Variants in DOC2A observed in about 807,000 individuals in gnomAD.
The protein encoded by DOC2A is double C2 domain alpha, also known as double C2-like domain-containing protein alpha.
In DOC2A, 28 loss-of-function variants were observed where a neutral mutation model predicts 40.6. The ratio of observed to expected loss-of-function variants is 0.69; its 90% CI spans 0.51 to 0.95. DOC2A has a LOEUF of 0.95. Ranked by LOEUF, DOC2A falls within the 40% of genes least tolerant of loss-of-function variation. DOC2A has a pLI of 0.00. For missense variants in DOC2A, 474 were observed against 552.5 expected, an observed-to-expected ratio of 0.86 and a Z score of 1.42; for synonymous variants, 241 against 236.9, an observed-to-expected ratio of 1.02 and a Z score of -0.16.
Position 30,009,233 on chromosome 16 carries a change from A to ACGTAGGGGT in DOC2A, c.377_385dup (p.Asp126_Tyr128dup). ...GGCTCCAGGCAGCAAGTGCAGCTTG[A>ACGTAGGGGT]CGTAGGGGTCGGCGAGGCCATTGAA... is the stretch of plus-strand genomic sequence containing the variant. On this transcript the variant is annotated inframe_insertion, in exon 4 of 11. Coordinates refer to ENST00000350119, the MANE Select transcript of DOC2A (RefSeq NM_003586.3). This position sits in a 1 kb window ranked among gnomAD's most constrained non-coding sequence, Gnocchi z 4.1. 2.5e-6 allele frequency: 4 copies of ACGTAGGGGT among 1,579,634 alleles called. No homozygotes were observed. The highest frequency in any genetic ancestry group is 2.6e-6 in the Non-Finnish European group (3 of 1,161,600).
At chr16:30,013,599 G>A (rs1364640902), upstream of DOC2A, 1 of 26,414 alleles carries the variant, frequency 3.8e-5, no homozygotes, top group Non-Finnish European at 6.4e-5. Context: ...GTGAGACCCT[G>A]TCTCAAAAAA....
chr16:30,010,382 A>C lies in DOC2A; in HGVS notation c.-13-147T>G, dbSNP rs2070747064. 1 of 1,132,714 alleles carries C rather than the reference A, an allele frequency of 8.8e-7. No individual in the cohort carries two copies. The highest frequency in any genetic ancestry group is 1.5e-5 in the African/African-American group (1 of 65,324). 70.2% of individuals were successfully genotyped at this position (1,132,714 alleles called of 1,614,324 possible). The stretch of plus-strand genomic sequence containing the variant: ...AGGGTGGTGTGTGCCAGCCGGTGGC[A>C]GGTGGGAGGCCTGGGCCCTGCAGAC... On this transcript the variant is annotated intron_variant, in intron 1 of 10. Transcript: ENST00000350119. The surrounding 1 kb of genome is among the most constrained non-coding windows in gnomAD (Gnocchi z 4.2).
Position 30,009,268 on chromosome 16 carries a change from C to T in DOC2A, c.351G>A (p.Lys117=), listed in dbSNP as rs763358306. The T allele has an allele frequency of 1.0e-5, 16 of 1,558,878 alleles. No individual in the cohort carries two copies. The Admixed American group carries it at 2.3e-4, about 23-fold the overall frequency. Residue 117 remains lysine (K), a synonymous_variant, in exon 4 of 11, where the codon AAG becomes AAA. Transcript: ENST00000350119. This position sits in a 1 kb window ranked among gnomAD's most constrained non-coding sequence, Gnocchi z 4.1. ...HCSILRAKGL[K]PMDFNGLADP... ...CGGCGAGGCCATTGAAATCCATGGGCTTGAGGCCCTGGAGAGGAGGGCAGG... is the reference window on the plus strand; with the variant it reads ...CGGCGAGGCCATTGAAATCCATGGGTTTGAGGCCCTGGAGAGGAGGGCAGG...
chr16:30,011,368 G>C, upstream of DOC2A: 1 of 985,080 alleles, frequency 1.0e-6, no homozygotes. Context: ...GCAAACACGC[G>C]GGCTCCCTGC....
Position 30,009,518 on chromosome 16 carries a change from C to G in DOC2A, c.302G>C (p.Arg101Pro). The change falls in exon 3 of 11, where the codon CGG (arginine) becomes CCG (proline). Residue 101 changes from arginine (R) to proline (P), a missense_variant. Coordinates refer to ENST00000350119, the MANE Select transcript of DOC2A (RefSeq NM_003586.3). The surrounding 1 kb of genome is among the most constrained non-coding windows in gnomAD (Gnocchi z 4.1). ...GCTACAGTGCAGAGTGCAGGAGGCC[C>G]GGTCGTAGAGAAGGTCAAACTCCAG... is the stretch of plus-strand genomic sequence containing the variant. ...GTLEFDLLYDRASCTLHCSIL... is the reference protein window; with the variant it reads ...GTLEFDLLYDPASCTLHCSIL... 6.4e-7 allele frequency: 1 copy of G among 1,551,492 alleles called. No homozygotes were observed. Among genetic ancestry groups the G allele is most frequent in the Non-Finnish European group, 8.7e-7 (1 of 1,146,978 alleles).
chr16:30,005,550 C>G lies in DOC2A; in HGVS notation c.*636G>C. Reference sequence around the variant, plus strand: ...TGTTTATTGATGCCCAGCTGCCATGCTCCGGCCACTGACACAACCAGAAAA... The same window carrying G: ...TGTTTATTGATGCCCAGCTGCCATGGTCCGGCCACTGACACAACCAGAAAA... On this transcript the variant is annotated 3_prime_UTR_variant, in exon 11 of 11. Transcript: ENST00000350119. 1 of 1,060,170 alleles carries G rather than the reference C, an allele frequency of 9.4e-7. No homozygotes were observed. Among genetic ancestry groups the G allele is most frequent in the Non-Finnish European group, 1.4e-6 (1 of 718,712 alleles). The allele number at this position is 1,060,170 out of a possible 1,614,324, so 65.7% of individuals were successfully genotyped here.
intron 1 of DOC2A, among the ~76,000 whole-genome samples, chr16:30,019,695 C>T (rs1171709290): frequency 5.9e-5 from 9 of 152,176 alleles, no homozygotes; most frequent in Admixed American, 5.9e-4. Context: ...GGAGCAGTTG[C>T]CTGTGGGCCT....
At chr16:30,008,121 C>T (rs1460228419) in intron 5 of DOC2A, 1 of 153,094 alleles carries the variant, frequency 6.5e-6, no homozygotes, top group Non-Finnish European at 1.5e-5. Context: ...AATCCAAGCA[C>T]AAAGGCAGAG....
At position 30,005,596 on chromosome 16, in the gene DOC2A, TC is replaced by T. The variant is rs2070550464; in HGVS notation, c.*589del. 2 of 749,482 alleles carry T rather than the reference TC, an allele frequency of 2.7e-6. No individual in the cohort carries two copies. Among genetic ancestry groups the T allele is most frequent in the East Asian group, 3.0e-5 (1 of 33,190 alleles). The allele number at this position is 749,482 out of a possible 1,614,324, so 46.4% of individuals were successfully genotyped here. On this transcript the variant is annotated 3_prime_UTR_variant, in exon 11 of 11. Coordinates refer to ENST00000350119, the MANE Select transcript of DOC2A (RefSeq NM_003586.3). Reference sequence around the variant, plus strand: ...GAAAAGGCGTAAACATGCACGGGTGTCCCCCAGGAGGGTGGCAGGGGCCCTG... The same window carrying T: ...GAAAAGGCGTAAACATGCACGGGTGTCCCCAGGAGGGTGGCAGGGGCCCTG...
chr16:30,005,773 T>C lies in DOC2A; in HGVS notation c.*413A>G. The C allele has an allele frequency of 2.1e-6, 1 of 471,874 alleles. No individual in the cohort carries two copies. Among genetic ancestry groups the C allele is most frequent in the Non-Finnish European group, 3.8e-6 (1 of 265,674 alleles). The allele number at this position is 471,874 out of a possible 1,614,324, so 29.2% of individuals were successfully genotyped here. ...AGGTTTTTTCAATGAAGTTTCTGTATTAAAGGAGTGGCTCTGGGTTTGTTT... is the reference window on the plus strand; with the variant it reads ...AGGTTTTTTCAATGAAGTTTCTGTACTAAAGGAGTGGCTCTGGGTTTGTTT... On this transcript the variant is annotated 3_prime_UTR_variant, in exon 11 of 11. Transcript: ENST00000350119.
rs141745734 is a variant in DOC2A at position 30,006,621 on chromosome 16, T to G, written c.935A>C (p.Lys312Thr). ...CTCGTTAAATTCTGGGTTGAGAGTCTTCTTCTTCACACACGTCTTATGCTT... is the reference window on the plus strand; with the variant it reads ...CTCGTTAAATTCTGGGTTGAGAGTCGTCTTCTTCACACACGTCTTATGCTT... ...KSKHKTCVKK[K>T]TLNPEFNEEF... The change falls in exon 9 of 11, where the codon AAG (lysine) becomes ACG (threonine). Residue 312 changes from lysine to threonine, a missense_variant. Transcript: ENST00000350119. The surrounding 1 kb of genome is among the most constrained non-coding windows in gnomAD (Gnocchi z 6.2). 2.4e-4 allele frequency: 395 copies of G among 1,613,620 alleles called. 1 individual carries two copies. Among genetic ancestry groups the G allele is most frequent in the Non-Finnish European group, 2.9e-4 (339 of 1,179,864 alleles).
rs958141060 is a variant in DOC2A at position 30,009,438 on chromosome 16, C to A, written c.342+40G>T. On this transcript the variant is annotated intron_variant, in intron 3 of 10. Transcript: ENST00000350119. This position sits in a 1 kb window ranked among gnomAD's most constrained non-coding sequence, Gnocchi z 4.1. ...GAATGGGCCCCCTCTGGGGGCTGCA[C>A]GCAAACCGGGCCCGGGCTTGGGTGG... 1 of 1,545,970 alleles carries A rather than the reference C, an allele frequency of 6.5e-7. No homozygotes were observed. The highest frequency in any genetic ancestry group is 1.4e-5 in the African/African-American group (1 of 72,896).
upstream of DOC2A, among the ~76,000 whole-genome samples, chr16:30,022,507 C>CA (rs758695940): frequency 2.6e-5 from 4 of 151,772 alleles, no homozygotes; most frequent in Admixed American, 2.0e-4. Context: ...CTCATTTCTA[C>CA]AAAAAATGCA....
chr16:30,007,011 AT>A lies in DOC2A; in HGVS notation c.714+19del, dbSNP rs1431170793. 6.2e-7 allele frequency: 1 copy of A among 1,613,440 alleles called. No individual in the cohort carries two copies. The highest frequency in any genetic ancestry group is 8.5e-7 in the Non-Finnish European group (1 of 1,179,868). ...CAGCCTCCCACCCACATGCATCCCC[AT>A]CCCCATGAGGTGCCTCACCTCCTTC... On this transcript the variant is annotated intron_variant, in intron 7 of 10. Transcript: ENST00000350119.
At position 30,010,068 on chromosome 16, in the gene DOC2A, G is replaced by T. The variant is rs770068218; in HGVS notation, c.155C>A (p.Ala52Asp). The change falls in exon 2 of 11, where the codon GCC becomes GAC. Residue 52 changes from alanine (A) to aspartate (D), a missense_variant. By Grantham distance (126) the Ala-to-Asp change is moderately radical. Coordinates refer to ENST00000350119, the MANE Select transcript of DOC2A (RefSeq NM_003586.3). The surrounding 1 kb of genome is among the most constrained non-coding windows in gnomAD (Gnocchi z 4.2). ...PEGGGGGGGE[A>D]PAHLVPLALA... is the part of the protein sequence containing the mutation. ...AGCCAGGGGGACCAGATGGGCGGGG[G>T]CCTCCCCGCCGCCCCCGCCGCCCCC... 1.9e-6 allele frequency: 3 copies of T among 1,604,154 alleles called. No homozygotes were observed. Among genetic ancestry groups the T allele is most frequent in the Non-Finnish European group, 2.6e-6 (3 of 1,175,344 alleles).
At chr16:30,011,177 T>C, upstream of DOC2A, 2 of 613,668 alleles carry the variant, frequency 3.3e-6, no homozygotes, top group South Asian at 6.9e-5. Context: ...CACACACACG[T>C]GTGCTCGCGC....
chr16:30,011,195 C>T (rs2070771489), upstream of DOC2A: 5 of 687,084 alleles, frequency 7.3e-6, no homozygotes, highest in Non-Finnish European at 9.0e-6. Flanking sequence ...CGCGCGCACA[C>T]TCACGCAGGG....
chr16:30,010,888 G>C lies in DOC2A; in HGVS notation c.-14+15C>G. ...CACCCTCACGCCCCCGGCCTGCCCA[G>C]CCCCCTGCACCTGCCTCTGCCTCCA... On this transcript the variant is annotated intron_variant, in intron 1 of 10. Transcript: ENST00000350119. This position sits in a 1 kb window ranked among gnomAD's most constrained non-coding sequence, Gnocchi z 4.2. 1 of 1,013,464 alleles carries C rather than the reference G, an allele frequency of 9.9e-7. No individual in the cohort carries two copies. The highest frequency in any genetic ancestry group is 3.5e-5 in the South Asian group (1 of 28,904). 62.8% of individuals were successfully genotyped at this position (1,013,464 alleles called of 1,614,324 possible). A position where few individuals can be genotyped will look rare whatever the true frequency, so the allele number is the denominator to read the frequency against.
intron 1 of DOC2A, among the ~76,000 whole-genome samples, chr16:30,017,567 C>T (rs111459630): frequency 0.011 from 1,729 of 152,084 alleles, 25 homozygotes; most frequent in African/African-American, 0.039. Flanking sequence ...CACATGTTCT[C>T]GTAAGTGGGA....
Sources: allele counts gnomAD v4.1 joint callset (sites outside exome capture counted in the v4.1 genomes callset), GRCh38; gene constraint gnomAD v4.1.1; non-coding constraint Gnocchi (gnomAD v3.1); transcripts MANE v1.5; gene names NCBI Gene and HGNC (gene_info 2026-07-23, HGNC 2026-07-21).